Variants in NHS observed in about 807,000 individuals in gnomAD.
The protein encoded by NHS is NHS actin remodeling regulator, also known as actin remodeling regulator NHS.
A neutral mutation model predicts 72.5 loss-of-function variants in NHS; 5 were observed. The ratio of observed to expected loss-of-function variants is 0.07; its 90% CI spans 0.04 to 0.14. NHS has a LOEUF of 0.14. NHS is among the 10% of genes least tolerant of loss of function. NHS has a pLI of 1.00. For synonymous variants in NHS, 464 were observed against 547.7 expected (o/e 0.85, Z 2.13); for missense variants, 1,072 against 1,355.7 (o/e 0.79, Z 3.29).
At chrX:17,587,606 T>C (rs897628337) in intron 1 of NHS, among the ~76,000 whole-genome samples, 7 of 112,593 alleles carry the variant, frequency 6.2e-5, no homozygotes, top group African/African-American at 2.3e-4. Flanking sequence ...CACTCAGCAC[T>C]TGACTAATTA....
At chrX:17,591,243 A>G (rs2065601469) in intron 1 of NHS, among the ~76,000 whole-genome samples, 1 of 111,905 alleles carries the variant, frequency 8.9e-6, no homozygotes, top group African/African-American at 3.3e-5. Flanking sequence ...AAGAGATAGC[A>G]ATAGAATCTG....
intron 1 of NHS, among the ~76,000 whole-genome samples, chrX:17,600,770 C>T (rs67162137): frequency 0.4 from 43,206 of 107,697 alleles, 6,425 homozygotes; most frequent in East Asian, 0.7. Flanking sequence ...GAAAATAAGG[C>T]AGGGAAAAAA....
chrX:17,456,149 C>T (rs1313286484), intron 1 of NHS, among the ~76,000 whole-genome samples: 1 of 111,512 alleles, frequency 9.0e-6, no homozygotes, highest in African/African-American at 3.3e-5. Flanking sequence ...TTTTTTTGCC[C>T]ATGAAGAACT....
intron 1 of NHS, among the ~76,000 whole-genome samples, chrX:17,420,319 C>G: frequency 8.9e-6 from 1 of 111,983 alleles, no homozygotes; most frequent in South Asian, 3.8e-4. Flanking sequence ...TCCGTCCACC[C>G]CTGCACCCAT....
intron 1 of NHS, among the ~76,000 whole-genome samples, chrX:17,628,696 T>C (rs1399187224): frequency 8.8e-6 from 1 of 113,407 alleles, no homozygotes; most frequent in African/African-American, 3.2e-5. Flanking sequence ...CCATTTATCA[T>C]TGGGGTAACC....
chrX:17,597,123 T>G (rs904089035), intron 1 of NHS, among the ~76,000 whole-genome samples: 3 of 100,865 alleles, frequency 3.0e-5, no homozygotes, highest in East Asian at 3.1e-4. Flanking sequence ...TCCGTTTTTT[T>G]TTTTTTTTTT....
At chrX:17,408,976 A>C (rs1268735117) in intron 1 of NHS, among the ~76,000 whole-genome samples, 2 of 109,625 alleles carry the variant, frequency 1.8e-5, no homozygotes, top group African/African-American at 6.9e-5. Context: ...AGAGAGAGAG[A>C]GAGCAAGGGA....
chrX:17,377,378 C>A (rs370857896), intron 1 of NHS, among the ~76,000 whole-genome samples: 65 of 113,128 alleles, frequency 5.7e-4, no homozygotes, highest in African/African-American at 2.0e-3. Flanking sequence ...CATTTAGGAA[C>A]GACCCAGGAG....
At chrX:17,534,771 G>A (rs1201134508) in intron 1 of NHS, among the ~76,000 whole-genome samples, 1 of 112,493 alleles carries the variant, frequency 8.9e-6, no homozygotes, top group African/African-American at 3.2e-5. Flanking sequence ...GTTTGTCCTT[G>A]CTTTTCTAGC....
chrX:17,508,759 T>C (rs1230899276), intron 1 of NHS, among the ~76,000 whole-genome samples: 2 of 112,299 alleles, frequency 1.8e-5, no homozygotes, highest in East Asian at 5.5e-4. Flanking sequence ...AGTGAGCCAC[T>C]GTGCCCGGCT....
At chrX:17,657,655 G>C (rs1292962237) in intron 1 of NHS, among the ~76,000 whole-genome samples, 1 of 112,710 alleles carries the variant, frequency 8.9e-6, no homozygotes, top group African/African-American at 3.2e-5. Flanking sequence ...TCCATTCCCG[G>C]GTGAGGCCCA....
At chrX:17,538,447 G>T (rs2065242559) in intron 1 of NHS, among the ~76,000 whole-genome samples, 1 of 111,739 alleles carries the variant, frequency 8.9e-6, no homozygotes, top group African/African-American at 3.3e-5. Flanking sequence ...GGCAATTGGG[G>T]CTTCGTCCTG....
intron 2 of NHS, 137 bp from the exon 3 acceptor site, chrX:17,692,198 T>C: frequency 1.3e-6 from 1 of 749,582 alleles, no homozygotes; most frequent in Non-Finnish European, 2.0e-6. Context: ...AAAATCTTAT[T>C]TGGTATTCAA....
intron 1 of NHS, among the ~76,000 whole-genome samples, chrX:17,525,663 A>G (rs1334108276): frequency 1.6e-5 from 1 of 61,865 alleles, no homozygotes; most frequent in Non-Finnish European, 2.9e-5. Flanking sequence ...TTTTTTTACT[A>G]CAGTGGAAGG....
At chrX:17,715,422 G>A (rs1016908115) in intron 3 of NHS, among the ~76,000 whole-genome samples, 2 of 112,067 alleles carry the variant, frequency 1.8e-5, no homozygotes, top group Admixed American at 9.4e-5. Context: ...TTATCCAATC[G>A]TTGGTTGATG....
chrX:17,483,447 C>T (rs1240842566), intron 1 of NHS, among the ~76,000 whole-genome samples: 1 of 111,847 alleles, frequency 8.9e-6, no homozygotes, highest in Non-Finnish European at 1.9e-5. Flanking sequence ...ACTGCTAATA[C>T]CACCGTGGTT....
intron 1 of NHS, among the ~76,000 whole-genome samples, chrX:17,639,310 G>C (rs936016892): frequency 8.9e-6 from 1 of 112,023 alleles, no homozygotes; most frequent in Non-Finnish European, 1.9e-5. Context: ...TTCTGTTCTT[G>C]AGGACTTCCA....
intron 1 of NHS, among the ~76,000 whole-genome samples, chrX:17,536,328 C>G (rs1266736306): frequency 8.9e-6 from 1 of 112,633 alleles, no homozygotes; most frequent in Non-Finnish European, 1.9e-5. Context: ...GCACTCCAGC[C>G]TGGGCAACAG....
chrX:17,561,574 G>GCACACA (rs530971006), intron 1 of NHS, among the ~76,000 whole-genome samples: 2,343 of 65,359 alleles, frequency 0.036, 46 homozygotes, highest in South Asian at 0.073. Context: ...GCGCGCGCGC[G>GCACACA]CACACACACA....
Sources: gnomAD v4.1 joint callset for allele counts (sites outside exome capture counted in the v4.1 genomes callset) on GRCh38, gnomAD v4.1.1 for gene constraint, MANE v1.5 for transcripts, NCBI Gene and HGNC (gene_info 2026-07-23, HGNC 2026-07-21) for gene names.